Variants in TCF4 observed in about 807,000 individuals in gnomAD.
TCF4 encodes the protein SL3-3 enhancer factor 2.
Under a neutral mutation model 82.1 loss-of-function variants are expected in TCF4, and 3 were observed. The observed-to-expected ratio is 0.04, with a 90% CI of 0.02 to 0.09. TCF4 has a LOEUF of 0.09. TCF4 is among the 10% of genes least tolerant of loss of function. The pLI is 1.00. For missense variants in TCF4, 518 were observed against 852.7 expected (o/e 0.61, Z 4.89); for synonymous variants, 276 against 309.6 (o/e 0.89, Z 1.14).
chr18:55,330,870 C>T (rs997731693), intron 8 of TCF4, among the ~76,000 whole-genome samples: 3 of 152,190 alleles, frequency 2.0e-5, no homozygotes, highest in Non-Finnish European at 4.4e-5. Context: ...TGAGTAAGTT[C>T]TAGCTTTGTA....
chr18:55,456,898 G>A (rs569270492), intron 5 of TCF4, among the ~76,000 whole-genome samples: 3 of 152,166 alleles, frequency 2.0e-5, no homozygotes, highest in African/African-American at 7.2e-5. Flanking sequence ...CTGCAATGAA[G>A]AAGTCTCCAA....
At chr18:55,379,466 G>A (rs965317544) in intron 6 of TCF4, among the ~76,000 whole-genome samples, 4 of 152,182 alleles carry the variant, frequency 2.6e-5, no homozygotes, top group African/African-American at 9.7e-5. Context: ...GGAGCCCTGG[G>A]AAGGGAGTGT....
Position 55,261,521 on chromosome 18 carries a change from C to T in TCF4, c.935G>A (p.Ser312Asn). ...AGTCTGGGAGCTGCCGGCTGCCCCG[C>T]TTCCTCTATTTGCTGCAAAAACAAA... ...GTDSIMANRG[S>N]GAAGSSQTGD... The change falls in exon 12 of 20, where the codon AGC (serine) becomes AAC (asparagine). Residue 312 changes from serine (S) to asparagine (N), a missense_variant. Transcript: ENST00000354452. 3 of 1,613,940 alleles carry T rather than the reference C, an allele frequency of 1.9e-6. No homozygotes were observed. The highest frequency in any genetic ancestry group is 2.5e-6 in the Non-Finnish European group (3 of 1,179,870).
At position 55,225,564 on chromosome 18, in the gene TCF4, T is replaced by C. The variant is rs990175063; in HGVS notation, c.*2471A>G. On this transcript the variant is annotated 3_prime_UTR_variant, in exon 20 of 20. Transcript: ENST00000354452. ...AATATTGTTCCTAGGGATACCCGCCTTGGTAGACTATACAAAATGAGTGCA... is the reference window on the plus strand; with the variant it reads ...AATATTGTTCCTAGGGATACCCGCCCTGGTAGACTATACAAAATGAGTGCA... The C allele has an allele frequency of 2.0e-5, 3 of 152,542 alleles. No individual in the cohort carries two copies. Among genetic ancestry groups the C allele is most frequent in the African/African-American group, 7.2e-5 (3 of 41,428 alleles). The allele number at this position is 152,542 out of a possible 1,614,324, so 9.4% of individuals were successfully genotyped here. A position where few individuals can be genotyped will look rare whatever the true frequency, so the allele number is the denominator to read the frequency against.
chr18:55,622,432 G>A (rs964081813), intron 2 of TCF4, among the ~76,000 whole-genome samples: 1 of 149,574 alleles, frequency 6.7e-6, no homozygotes, highest in Non-Finnish European at 1.5e-5. Flanking sequence ...GCTTGAACCC[G>A]AGGCAGAGGT....
intron 8 of TCF4, among the ~76,000 whole-genome samples, chr18:55,327,727 G>T (rs2076814013): frequency 6.6e-6 from 1 of 152,046 alleles, no homozygotes; most frequent in Admixed American, 6.5e-5. Context: ...GTAAATATTT[G>T]ACTTCTACCT....
chr18:55,583,964 T>G (rs964526042), intron 3 of TCF4, among the ~76,000 whole-genome samples: 1 of 152,046 alleles, frequency 6.6e-6, no homozygotes, highest in African/African-American at 2.4e-5. Flanking sequence ...AGGTCCAGGA[T>G]AGTAAAACAC....
At chr18:55,414,997 A>C (rs948411988) in intron 5 of TCF4, among the ~76,000 whole-genome samples, 1 of 152,218 alleles carries the variant, frequency 6.6e-6, no homozygotes, top group Non-Finnish European at 1.5e-5. Context: ...TTTTTCTACT[A>C]GGGATTACCT....
In TCF4 at chr18:55,434,763, C is replaced by CGTGTGTGTGTGTGTGTGTGTGT. The variant is rs527450659; in HGVS notation, c.304+26234_304+26255dup. Among the ~76,000 whole-genome samples the CGTGTGTGTGTGTGTGTGTGTGT allele has an allele frequency of 3.4e-3, 445 of 131,774 alleles. 10 individuals carry two copies. The highest frequency in any genetic ancestry group is 0.011 in the Admixed American group (144 of 12,744). The allele number at this position is 131,774 out of a possible 152,430, so 86.4% of individuals were successfully genotyped here. A position where few individuals can be genotyped will look rare whatever the true frequency, so the allele number is the denominator to read the frequency against. On this transcript the variant is annotated intron_variant, in intron 5 of 19. Coordinates refer to ENST00000354452, the MANE Select transcript of TCF4 (RefSeq NM_001083962.2). ...ACATTCTGATCACCTCTCAAGTATT[C>CGTGTGTGTGTGTGTGTGTGTGT]GTGTGTGTGTGTGTGTGTGTGTGTG...
intron 8 of TCF4, among the ~76,000 whole-genome samples, chr18:55,348,208 T>A (rs534397171): frequency 2.6e-5 from 4 of 152,174 alleles, no homozygotes; most frequent in Non-Finnish European, 5.9e-5. Context: ...TAAATTGCTA[T>A]GAAAATAGAG....
rs371067663 is a variant in TCF4 at position 55,545,254 on chromosome 18, C to G, written c.145+40026G>C. On this transcript the variant is annotated intron_variant, in intron 3 of 19. Coordinates refer to ENST00000354452, the MANE Select transcript of TCF4 (RefSeq NM_001083962.2). ...CACATAAAAAATGCCACTTAGTATT[C>G]TGTGTGTATGCATACATAAAATTCT... is the stretch of plus-strand genomic sequence containing the variant. Among the ~76,000 whole-genome samples the G allele has an allele frequency of 9.2e-5, 14 of 152,318 alleles. No individual in the cohort carries two copies. The East Asian group carries it at 1.9e-3, about 21-fold the overall frequency.
chr18:55,391,870 A>G (rs982151707), intron 6 of TCF4, among the ~76,000 whole-genome samples: 19 of 148,178 alleles, frequency 1.3e-4, no homozygotes, highest in Middle Eastern at 3.2e-3. Context: ...CCCAGGAGGC[A>G]GAGGTTGCAG....
At chr18:55,442,960 T>C (rs1006630633) in intron 5 of TCF4, among the ~76,000 whole-genome samples, 5 of 152,226 alleles carry the variant, frequency 3.3e-5, no homozygotes, top group African/African-American at 7.2e-5. Context: ...TTTTTAAATA[T>C]ACCATTCGTA....
chr18:55,299,520 G>T (rs1162946750), intron 8 of TCF4, among the ~76,000 whole-genome samples: 1 of 150,252 alleles, frequency 6.7e-6, no homozygotes, highest in Admixed American at 6.6e-5. Context: ...GTTAATGGCA[G>T]CATTTACTCA....
chr18:55,316,418 C>G (rs555099795), intron 8 of TCF4, among the ~76,000 whole-genome samples: 1 of 152,184 alleles, frequency 6.6e-6, no homozygotes, highest in African/African-American at 2.4e-5. Context: ...AGAACTTAGA[C>G]TGCAGCATTG....
rs116909696 is a variant in TCF4, at chr18:55,273,509, G to A, written c.789+2110C>T. Among the ~76,000 whole-genome samples, 165 of 152,154 alleles carry A rather than the reference G, an allele frequency of 1.1e-3. 2 individuals carry two copies. In the East Asian group the frequency reaches 0.026, roughly 24 times the overall value. On this transcript the variant is annotated intron_variant, in intron 10 of 19. Coordinates refer to ENST00000354452, the MANE Select transcript of TCF4 (RefSeq NM_001083962.2). ...TATTGTCAGTGTCAGATTCTTCTAA[G>A]TCACTTCAGTAAAAGATTTTCACAT...
At chr18:55,341,762 C>T (rs1477288973) in intron 8 of TCF4, among the ~76,000 whole-genome samples, 2 of 152,152 alleles carry the variant, frequency 1.3e-5, no homozygotes, top group Admixed American at 6.6e-5. Flanking sequence ...AAGGTGGTGA[C>T]AAGTGAGTAA....
rs1182411478 is a variant in TCF4, at chr18:55,224,819, A to T, written c.*3216T>A. 1 of 152,592 alleles carries T rather than the reference A, an allele frequency of 6.6e-6. No homozygotes were observed. The highest frequency in any genetic ancestry group is 6.5e-5 in the Admixed American group (1 of 15,272). The allele number at this position is 152,592 out of a possible 1,614,324, so 9.5% of individuals were successfully genotyped here. A position where few individuals can be genotyped will look rare whatever the true frequency, so the allele number is the denominator to read the frequency against. On this transcript the variant is annotated 3_prime_UTR_variant, in exon 20 of 20. Coordinates refer to ENST00000354452, the MANE Select transcript of TCF4 (RefSeq NM_001083962.2). ...ACAGATCCCTATTCTGCATATTCAT[A>T]AATTACTTGAATGTGGAGGTGGATC...
At chr18:55,523,904 A>G (rs2096954953) in intron 3 of TCF4, among the ~76,000 whole-genome samples, 1 of 152,134 alleles carries the variant, frequency 6.6e-6, no homozygotes, top group Admixed American at 6.6e-5. Flanking sequence ...TAAAATGAAA[A>G]ATACCACCAA....
Sources: allele counts gnomAD v4.1 joint callset (sites outside exome capture counted in the v4.1 genomes callset), GRCh38; gene constraint gnomAD v4.1.1; transcripts MANE v1.5; gene names NCBI Gene and HGNC (gene_info 2026-07-23, HGNC 2026-07-21).